Variants in ANKFY1 observed in about 807,000 individuals in gnomAD.
ANKFY1 encodes the protein ankyrin repeat and FYVE domain-containing protein 1.
A neutral mutation model predicts 128.3 loss-of-function variants in ANKFY1; 47 were observed. The ratio of observed to expected loss-of-function variants is 0.37; its 90% CI spans 0.29 to 0.47. The LOEUF is 0.47. Among genes scored for constraint, ANKFY1 ranks in the 20% least tolerant of loss-of-function variants. The pLI, the probability that ANKFY1 is intolerant of heterozygous loss-of-function variation, is 1.00. For missense variants in ANKFY1, 1,222 were observed against 1,510.6 expected (o/e 0.81, Z 3.17); for synonymous variants, 553 against 601.6 (o/e 0.92, Z 1.18).
At chr17:4,223,896 C>G in intron 3 of ANKFY1, 1 of 676,342 alleles carries the variant, frequency 1.5e-6, no homozygotes, top group East Asian at 2.7e-5. Flanking sequence ...TATCTAACAC[C>G]ACGCCAACAG....
intron 19 of ANKFY1, among the ~76,000 whole-genome samples, chr17:4,176,581 G>C (rs1416858812): frequency 2.6e-5 from 4 of 152,106 alleles, no homozygotes; most frequent in Non-Finnish European, 5.9e-5. Context: ...ACTTTCCTAC[G>C]TAAACACACC....
chr17:4,215,478 C>G (rs538346690), intron 4 of ANKFY1, among the ~76,000 whole-genome samples: 1 of 152,206 alleles, frequency 6.6e-6, no homozygotes, highest in East Asian at 1.9e-4. Flanking sequence ...CCGCACCCGT[C>G]GCTAGCACCC....
chr17:4,230,338 G>A (rs1263502159), intron 3 of ANKFY1, among the ~76,000 whole-genome samples: 1 of 152,152 alleles, frequency 6.6e-6, no homozygotes, highest in Admixed American at 6.6e-5. Flanking sequence ...CATACCCTGA[G>A]CCCTTATGCC....
chr17:4,166,671 T>G lies in ANKFY1; in HGVS notation c.*1108A>C, dbSNP rs1047557567. 3 of 152,292 alleles carry G rather than the reference T, an allele frequency of 2.0e-5. No homozygotes were observed. The highest frequency in any genetic ancestry group is 4.8e-5 in the African/African-American group (2 of 41,454). The allele number at this position is 152,292 out of a possible 1,614,324, so 9.4% of individuals were successfully genotyped here. A position where few individuals can be genotyped will look rare whatever the true frequency, so the allele number is the denominator to read the frequency against. ...TGGGGCAGGGCAAGCTACACAGAAC[T>G]GGGACCAACAGCACTCGCAGCATCA... On this transcript the variant is annotated 3_prime_UTR_variant, in exon 25 of 25. Coordinates refer to ENST00000341657, the MANE Select transcript of ANKFY1 (RefSeq NM_001330063.2).
At chr17:4,179,277 C>T (rs934742538) in intron 17 of ANKFY1, 2 of 596,638 alleles carry the variant, frequency 3.4e-6, no homozygotes, top group African/African-American at 1.9e-5. Flanking sequence ...AGGACCAGCA[C>T]AAACATGTGT....
chr17:4,215,434 A>G (rs2060205329), intron 4 of ANKFY1, among the ~76,000 whole-genome samples: 1 of 152,162 alleles, frequency 6.6e-6, no homozygotes, highest in South Asian at 2.1e-4. Context: ...AGATCCCCAC[A>G]TTACAAAAAG....
At chr17:4,227,340 C>T (rs2060442665) in intron 3 of ANKFY1, among the ~76,000 whole-genome samples, 1 of 151,956 alleles carries the variant, frequency 6.6e-6, no homozygotes, top group African/African-American at 2.4e-5. Context: ...CAACAACATA[C>T]ATAAAAAAGG....
At chr17:4,237,695 T>A (rs1002356984) in intron 2 of ANKFY1, among the ~76,000 whole-genome samples, 2 of 152,132 alleles carry the variant, frequency 1.3e-5, no homozygotes, top group African/African-American at 4.8e-5. Context: ...GAAATAAAGA[T>A]AAGGATTTCA....
intron 2 of ANKFY1, among the ~76,000 whole-genome samples, chr17:4,240,651 C>T (rs564464680): frequency 6.6e-6 from 1 of 152,228 alleles, no homozygotes; most frequent in Non-Finnish European, 1.5e-5. Flanking sequence ...CTCGGCCTCC[C>T]AAACTGCTGG....
chr17:4,172,194 T>A (rs1391408777), intron 22 of ANKFY1, among the ~76,000 whole-genome samples: 1 of 152,176 alleles, frequency 6.6e-6, no homozygotes, highest in Non-Finnish European at 1.5e-5. Context: ...CTAGCACATT[T>A]CTTCCTTTTG....
intron 1 of ANKFY1, among the ~76,000 whole-genome samples, chr17:4,261,616 ATGTCTCTCAAG>A (rs1968421117): frequency 6.6e-6 from 1 of 152,198 alleles, no homozygotes; most frequent in South Asian, 2.1e-4. Flanking sequence ...CACTGGCGAG[ATGTCTCTCAAG>A]GCGCTTGCCG....
At chr17:4,245,496 AC>A (rs1458786566) in intron 1 of ANKFY1, among the ~76,000 whole-genome samples, 1 of 146,766 alleles carries the variant, frequency 6.8e-6, no homozygotes, top group East Asian at 1.9e-4. Context: ...GTGCCATCAC[AC>A]CTGGCTATAA....
chr17:4,189,409 A>G lies in ANKFY1; in HGVS notation c.1443T>C (p.Gly481=), dbSNP rs538845315. The G allele has an allele frequency of 8.2e-6, 13 of 1,589,934 alleles. No individual in the cohort carries two copies. The highest frequency in any genetic ancestry group is 1.1e-5 in the Non-Finnish European group (13 of 1,165,430). Residue 481 remains glycine, a synonymous_variant, in exon 11 of 25, where the codon GGT becomes GGC. Coordinates refer to ENST00000341657, the MANE Select transcript of ANKFY1 (RefSeq NM_001330063.2). The part of the protein sequence containing the change: ...EAAALFLATN[G]AHVNHRNKWG... Reference sequence around the variant, plus strand: ...ACTTGTTTCTGTGGTTGACATGGGCACCGTTGGTTGCCAGGAAAAGAGCTG... The same window carrying G: ...ACTTGTTTCTGTGGTTGACATGGGCGCCGTTGGTTGCCAGGAAAAGAGCTG...
At chr17:4,173,524 T>C in intron 20 of ANKFY1, 80 bp from the exon 21 acceptor site, 2 of 1,329,764 alleles carry the variant, frequency 1.5e-6, no homozygotes, top group Non-Finnish European at 1.1e-6. Context: ...CTCACAGACC[T>C]CTCTGTAAAT....
chr17:4,206,514 C>T, intron 6 of ANKFY1, 28 bp from the exon 7 acceptor site: 5 of 1,600,158 alleles, frequency 3.1e-6, no homozygotes, highest in Non-Finnish European at 4.3e-6. Flanking sequence ...TAAATTAGCG[C>T]CCAGTGAGTA....
chr17:4,183,966 T>TA, intron 12 of ANKFY1, 56 bp from the exon 13 acceptor site: 1 of 1,478,202 alleles, frequency 6.8e-7, no homozygotes, highest in Admixed American at 1.7e-5. Context: ...GGATCACACT[T>TA]AAAGCTTCAG....
rs747103260 is a variant in ANKFY1, at chr17:4,182,361, T to G, written c.1953-12A>C. On this transcript the variant is annotated splice_polypyrimidine_tract_variant and intron_variant, in intron 14 of 24. Transcript: ENST00000341657. ...CCCCGTCCTGAGTCCTGCTAGGACATGCACACCCAAACCAACGTTTGTGGT... is the reference window on the plus strand; with the variant it reads ...CCCCGTCCTGAGTCCTGCTAGGACAGGCACACCCAAACCAACGTTTGTGGT... The G allele has an allele frequency of 2.0e-6, 3 of 1,528,908 alleles. No individual in the cohort carries two copies. Among genetic ancestry groups the G allele is most frequent in the Middle Eastern group, 1.8e-4 (1 of 5,624 alleles). The allele number at this position is 1,528,908 out of a possible 1,614,324, so 94.7% of individuals were successfully genotyped here. A position where few individuals can be genotyped will look rare whatever the true frequency, so the allele number is the denominator to read the frequency against.
intron 3 of ANKFY1, among the ~76,000 whole-genome samples, chr17:4,221,584 A>C (rs1166712996): frequency 1.3e-5 from 2 of 151,818 alleles, no homozygotes; most frequent in Non-Finnish European, 2.9e-5. Context: ...TCCTATTATG[A>C]CTCTGGTTTA....
intron 5 of ANKFY1, among the ~76,000 whole-genome samples, chr17:4,209,592 C>T (rs1197738755): frequency 6.6e-6 from 1 of 152,208 alleles, no homozygotes; most frequent in Non-Finnish European, 1.5e-5. Flanking sequence ...TGAGCCACCG[C>T]GCCTGGCCAG....
Sources: gnomAD v4.1 joint callset for allele counts (sites outside exome capture counted in the v4.1 genomes callset) on GRCh38, gnomAD v4.1.1 for gene constraint, MANE v1.5 for transcripts, NCBI Gene and HGNC (gene_info 2026-07-23, HGNC 2026-07-21) for gene names.